The following RCOR1 variants were observed in gnomAD, a reference collection of about 807,000 sequenced individuals.
RCOR1 encodes the protein REST corepressor 1, also known as REST corepressor.
A neutral mutation model predicts 64.0 loss-of-function variants in RCOR1; 12 were observed. That is an observed-to-expected ratio of 0.19 (90% CI 0.12 to 0.30). The LOEUF (loss-of-function observed/expected upper bound fraction) is 0.30, where lower values mean the gene tolerates loss of function less well. Among genes scored for constraint, RCOR1 ranks in the 10% least tolerant of loss-of-function variants. The pLI, the probability that RCOR1 is intolerant of heterozygous loss-of-function variation, is 1.00. For missense variants in RCOR1, 502 were observed against 621.2 expected (o/e 0.81, Z 2.04); for synonymous variants, 279 against 227.2 (o/e 1.23, Z -2.05).
chr14:102,649,695 G>C, intron 2 of RCOR1: 1 of 583,802 alleles, frequency 1.7e-6, no homozygotes, highest in Non-Finnish European at 2.2e-6. Context: ...GGGTAATTCT[G>C]GTGTTGTCCT....
At chr14:102,724,631 C>A (rs1290699649) in intron 11 of RCOR1, among the ~76,000 whole-genome samples, 1 of 152,210 alleles carries the variant, frequency 6.6e-6, no homozygotes, top group Non-Finnish European at 1.5e-5. Context: ...CCGTGCCCGG[C>A]CTATTTCTTG....
intron 2 of RCOR1, among the ~76,000 whole-genome samples, chr14:102,677,375 C>A (rs1446797622): frequency 1.4e-4 from 19 of 140,220 alleles, no homozygotes; most frequent in Admixed American, 2.0e-4. Flanking sequence ...GGGGTGGCTG[C>A]CGGGCGGAGA....
chr14:102,618,282 G>A (rs1431893029), intron 2 of RCOR1, among the ~76,000 whole-genome samples: 1 of 151,920 alleles, frequency 6.6e-6, no homozygotes, highest in Non-Finnish European at 1.5e-5. Context: ...TGTCTGGGAT[G>A]TTTGCCATAT....
At chr14:102,699,905 A>G (rs913470373) in intron 3 of RCOR1, among the ~76,000 whole-genome samples, 1 of 152,058 alleles carries the variant, frequency 6.6e-6, no homozygotes, top group African/African-American at 2.4e-5. Context: ...GAGGAAATTG[A>G]TTCATCTTTG....
At chr14:102,600,599 C>G (rs912482743) in intron 2 of RCOR1, among the ~76,000 whole-genome samples, 2 of 144,352 alleles carry the variant, frequency 1.4e-5, no homozygotes, top group African/African-American at 2.6e-5. Flanking sequence ...AAGACGGAGT[C>G]TCACTCTGTT....
intron 2 of RCOR1, among the ~76,000 whole-genome samples, chr14:102,631,103 C>A (rs79079201): frequency 6.6e-6 from 1 of 152,130 alleles, no homozygotes; most frequent in Non-Finnish European, 1.5e-5. Flanking sequence ...ACTTCTGTCA[C>A]ATTTCCCCGA....
At chr14:102,676,353 C>T (rs1178080406) in intron 2 of RCOR1, among the ~76,000 whole-genome samples, 5 of 143,860 alleles carry the variant, frequency 3.5e-5, no homozygotes, top group East Asian at 2.1e-4. Context: ...ACCCCCCCAC[C>T]ACCCTCCCGG....
rs1894575229 is a variant in RCOR1, at chr14:102,650,905, G to GA, written c.362-30990_362-30989insA. 6.1e-6 allele frequency: 4 copies of GA among 651,198 alleles called. No homozygotes were observed. The South Asian group carries it at 2.8e-4, about 45-fold the overall frequency. 40.3% of individuals were successfully genotyped at this position (651,198 alleles called of 1,614,324 possible). ...ACTTACTCTTAGATGTTAAATATTTGGTTTGCTCTTTATTGAATAACTTAA... is the reference window on the plus strand; with the variant it reads ...ACTTACTCTTAGATGTTAAATATTTGAGTTTGCTCTTTATTGAATAACTTAA... On this transcript the variant is annotated intron_variant, in intron 2 of 11. Transcript: ENST00000262241.
chr14:102,646,510 A>C (rs1008335012), intron 2 of RCOR1, among the ~76,000 whole-genome samples: 10 of 152,258 alleles, frequency 6.6e-5, no homozygotes, highest in African/African-American at 2.4e-4. Flanking sequence ...AGAACAAGAA[A>C]GAGCTCTTGG....
At chr14:102,719,272 T>G (rs1306627896) in intron 8 of RCOR1, among the ~76,000 whole-genome samples, 2 of 152,130 alleles carry the variant, frequency 1.3e-5, no homozygotes, top group Non-Finnish European at 2.9e-5. Flanking sequence ...AAAATTATAC[T>G]TTAAGTTCTA....
chr14:102,701,109 C>A (rs1323893239), intron 3 of RCOR1, among the ~76,000 whole-genome samples, 169 bp from the exon 4 acceptor site: 3 of 152,208 alleles, frequency 2.0e-5, no homozygotes, highest in African/African-American at 7.2e-5. Context: ...TTGGGTCCCT[C>A]CTACAGCACT....
At chr14:102,670,406 G>C (rs935545655) in intron 2 of RCOR1, among the ~76,000 whole-genome samples, 2 of 152,052 alleles carry the variant, frequency 1.3e-5, no homozygotes, top group Admixed American at 6.6e-5. Flanking sequence ...AAACCAAACA[G>C]CTGTCCTATT....
At chr14:102,721,944 G>T (rs1462797586) in intron 10 of RCOR1, among the ~76,000 whole-genome samples, 1 of 152,098 alleles carries the variant, frequency 6.6e-6, no homozygotes, top group Admixed American at 6.5e-5. Context: ...GCAATTGCTG[G>T]GTGACTTCAG....
intron 6 of RCOR1, among the ~76,000 whole-genome samples, chr14:102,708,844 T>C (rs944539452): frequency 6.6e-6 from 1 of 152,228 alleles, no homozygotes; most frequent in Admixed American, 6.5e-5. Context: ...GTGGCTCCTT[T>C]TAATAAAAAA....
chr14:102,637,554 GAT>G (rs1567417231), intron 2 of RCOR1, among the ~76,000 whole-genome samples: 2 of 152,128 alleles, frequency 1.3e-5, no homozygotes, highest in African/African-American at 4.8e-5. Context: ...GGGCTTAGGT[GAT>G]CCTCCCATCT....
At chr14:102,687,787 C>G (rs1251501936) in intron 3 of RCOR1, among the ~76,000 whole-genome samples, 1 of 152,146 alleles carries the variant, frequency 6.6e-6, no homozygotes, top group East Asian at 1.9e-4. Flanking sequence ...CCATGTACCA[C>G]TGAGTCAGTA....
At position 102,619,437 on chromosome 14, in the gene RCOR1, A is replaced by ATCTG. The variant is rs146550948; in HGVS notation, c.361+26124_361+26127dup. On this transcript the variant is annotated intron_variant, in intron 2 of 11. Transcript: ENST00000262241. ...ACCTGGCCCATGCCTCTATCTATCT[A>ATCTG]TCTGTCTGTCTGTCTATCTATCTAT... Among the ~76,000 whole-genome samples, 292 of 142,018 alleles carry ATCTG rather than the reference A, an allele frequency of 2.1e-3. 3 individuals carry two copies. Among genetic ancestry groups the ATCTG allele is most frequent in the African/African-American group, 7.1e-3 (267 of 37,572 alleles). The allele number at this position is 142,018 out of a possible 152,430, so 93.2% of individuals were successfully genotyped here.
chr14:102,684,375 G>C (rs1411663114), intron 3 of RCOR1, among the ~76,000 whole-genome samples: 2 of 152,170 alleles, frequency 1.3e-5, no homozygotes, highest in East Asian at 3.9e-4. Context: ...GGGCCTTGGG[G>C]TGCATGAGAC....
At chr14:102,669,042 G>T (rs1191811605) in intron 2 of RCOR1, among the ~76,000 whole-genome samples, 1 of 152,196 alleles carries the variant, frequency 6.6e-6, no homozygotes, top group Non-Finnish European at 1.5e-5. Context: ...GAAAGATACA[G>T]ATATTTAATG....
Sources: gnomAD v4.1 joint callset for allele counts (sites outside exome capture counted in the v4.1 genomes callset) on GRCh38, gnomAD v4.1.1 for gene constraint, MANE v1.5 for transcripts, NCBI Gene and HGNC (gene_info 2026-07-23, HGNC 2026-07-21) for gene names.